The following MYL5 variants were observed in gnomAD, a reference collection of about 807,000 sequenced individuals.
MYL5 encodes myosin light chain 5.
A neutral mutation model predicts 20.8 loss-of-function variants in MYL5; 28 were observed. That is an observed-to-expected ratio of 1.35 (90% CI 1.00 to 1.84). MYL5 has a LOEUF of 1.84. Among genes scored for constraint, MYL5 ranks in the 40% most tolerant of loss-of-function variants. The probability of loss-of-function intolerance (pLI) is 0.00; values close to 1 mark genes in which losing one functional copy is unlikely to be tolerated. For synonymous variants in MYL5, 118 were observed against 87.4 expected (o/e 1.35, Z -1.95); for missense variants, 274 against 227.3 (o/e 1.21, Z -1.32).
intron 5 of MYL5, 29 bp from the exon 8 acceptor site, chr4:681,063 C>T (rs1458030451): frequency 1.9e-6 from 3 of 1,577,878 alleles, no homozygotes; most frequent in South Asian, 2.3e-5. Context: ...CCCGCATCAG[C>T]CCGCGCTGAC....
At chr4:678,178 A>C in intron 1 of MYL5, 149 bp downstream of exon 3, 1 of 1,538,024 alleles carries the variant, frequency 6.5e-7, no homozygotes, top group Non-Finnish European at 8.8e-7. Flanking sequence ...ATGTGTGTGC[A>C]TGAGCGTGTG....
upstream of MYL5, among the ~76,000 whole-genome samples, chr4:677,538 C>G (rs979532247): frequency 6.6e-6 from 1 of 152,220 alleles, no homozygotes; most frequent in Non-Finnish European, 1.5e-5. Flanking sequence ...ACTTCTGTCA[C>G]CAAGGCAGGG....
chr4:681,265 C>T, intron 6 of MYL5, 125 bp downstream of exon 8: 1 of 1,151,066 alleles, frequency 8.7e-7, no homozygotes, highest in South Asian at 1.4e-5. Context: ...CAGAACAGGC[C>T]CCCGGGGGGC....
chr4:676,678 T>C (rs1738872720), upstream of MYL5, among the ~76,000 whole-genome samples: 2 of 151,950 alleles, frequency 1.3e-5, no homozygotes, highest in African/African-American at 2.4e-5. Flanking sequence ...CTCCCAACCA[T>C]GCTTCCCCCC....
chr4:680,952 G>GC, intron 5 of MYL5, 140 bp from the exon 8 acceptor site: 9 of 965,678 alleles, frequency 9.3e-6, no homozygotes, highest in South Asian at 7.1e-5. Flanking sequence ...GAAGGGACCT[G>GC]CCCCAGGGCC....
At chr4:681,213 G>A in intron 6 of MYL5, 73 bp downstream of exon 8, 2 of 1,536,846 alleles carry the variant, frequency 1.3e-6, no homozygotes, top group Non-Finnish European at 1.8e-6. Context: ...GGTGGAGGGG[G>A]ACGCGGAGCC....
intron 6 of MYL5, 80 bp from the exon 9 acceptor site, chr4:681,813 C>G (rs1215449657): frequency 8.0e-7 from 1 of 1,257,332 alleles, no homozygotes; most frequent in Non-Finnish European, 1.0e-6. Context: ...GGCGCAGAAA[C>G]CACACCCGGG....
At chr4:681,923 G>A (rs763972713) in exon 7 of MYL5, 1 of 1,319,612 alleles carries the variant, frequency 7.6e-7, no homozygotes. Context: ...CGCCTCCATC[G>A]ATGTGGCGGG....
intron 6 of MYL5, among the ~76,000 whole-genome samples, chr4:681,384 AGCGTCTGTCCCAGCCGGAG>A (rs1390423101): frequency 6.6e-6 from 1 of 151,584 alleles, no homozygotes; most frequent in Non-Finnish European, 1.5e-5. Context: ...CCGCGGCCTG[AGCGTCTGTCCCAGCCGGAG>A]GGGCGGGGCT....
At chr4:680,158 G>T in intron 4 of MYL5, 140 bp downstream of exon 6, 1 of 850,278 alleles carries the variant, frequency 1.2e-6, no homozygotes, top group East Asian at 2.7e-5. Flanking sequence ...ACAACTGTGG[G>T]GCCCCGTCAG....
chr4:677,832 C>T (rs1738998192), upstream of MYL5: 9 of 855,332 alleles, frequency 1.1e-5, no homozygotes, highest in Non-Finnish European at 1.7e-5. Flanking sequence ...CGGGGTGAGG[C>T]AGGGCAAGGG....
At chr4:682,008 C>T (rs747165832) in exon 7 of MYL5, 7 of 1,425,704 alleles carry the variant, frequency 4.9e-6, no homozygotes, top group Non-Finnish European at 9.3e-7. Flanking sequence ...CCAGCCGGGT[C>T]AATAAACCTG....
At chr4:679,182 C>A in intron 3 of MYL5, 149 bp downstream of exon 5, 1 of 803,624 alleles carries the variant, frequency 1.2e-6, no homozygotes, top group Non-Finnish European at 2.1e-6. Flanking sequence ...AGGTGATGGC[C>A]CTGGCCGCCC....
Position 678,654 on chromosome 4 carries a change from G to T in MYL5, c.4-4G>T. On this transcript the variant is annotated splice_region_variant and splice_polypyrimidine_tract_variant and intron_variant, in intron 1 of 6. Transcript: ENST00000400159. Reference sequence around the variant, plus strand: ...GACCCTCAGCCATGGTGCTCCCACCGCAGGCCAGCAGGAAGACCAAGAAGA... The same window carrying T: ...GACCCTCAGCCATGGTGCTCCCACCTCAGGCCAGCAGGAAGACCAAGAAGA... 6.2e-7 allele frequency: 1 copy of T among 1,602,276 alleles called. No homozygotes were observed. The highest frequency in any genetic ancestry group is 8.5e-7 in the Non-Finnish European group (1 of 1,175,128).
In MYL5 at chr4:681,931, G is replaced by A. The variant is rs2228353; in HGVS notation, c.459G>A (p.Ala153=). ...TCCAGTTCGCCTCCATCGATGTGGC[G>A]GGCAACCTGGACTACAAGGCGCTCA... Residue 153 remains alanine, a synonymous_variant, in exon 7 of 7, where the codon GCG becomes GCA. Transcript: ENST00000400159. 103 of 1,326,880 alleles carry A rather than the reference G, an allele frequency of 7.8e-5. 1 individual carries two copies. The African/African-American group carries it at 1.5e-3, about 19-fold the overall frequency. 82.2% of individuals were successfully genotyped at this position (1,326,880 alleles called of 1,614,324 possible). A position where few individuals can be genotyped will look rare whatever the true frequency, so the allele number is the denominator to read the frequency against.
chr4:680,851 G>A (rs1739401038), intron 5 of MYL5: 1 of 636,608 alleles, frequency 1.6e-6, no homozygotes, highest in Non-Finnish European at 2.7e-6. Context: ...TAGGCGCCGG[G>A]GAAAGTACCA....
chr4:680,904 G>T, intron 5 of MYL5, 188 bp from the exon 8 acceptor site: 1 of 686,916 alleles, frequency 1.5e-6, no homozygotes, highest in Non-Finnish European at 2.5e-6. Flanking sequence ...CCCCATCAGC[G>T]GCTCCCCCAG....
chr4:680,880 C>T (rs982481727), intron 5 of MYL5: 2 of 652,334 alleles, frequency 3.1e-6, no homozygotes, highest in Admixed American at 2.8e-5. Context: ...CCTGTAACCT[C>T]CTTCCGGCTC....
rs762882079 is a variant in MYL5 at position 679,992 on chromosome 4, T to C, written c.266T>C (p.Leu89Pro). 4 of 1,613,296 alleles carry C rather than the reference T, an allele frequency of 2.5e-6. No homozygotes were observed. Among genetic ancestry groups the C allele is most frequent in the Admixed American group, 3.3e-5 (2 of 59,914 alleles). ...GGGCCCATCAACTTCACCATGTTTC[T>C]GAACCTGTTTGGGGAGAAGCTGAGC... The change falls in exon 4 of 7, where the codon CTG (leucine) becomes CCG (proline). Residue 89 changes from leucine to proline, a missense_variant. Transcript: ENST00000400159.
Sources: allele counts gnomAD v4.1 joint callset (sites outside exome capture counted in the v4.1 genomes callset), GRCh38; gene constraint gnomAD v4.1.1; transcripts MANE v1.5; gene names NCBI Gene and HGNC (gene_info 2026-07-23, HGNC 2026-07-21).